The following UBE2K variants were observed in gnomAD, a reference collection of about 807,000 sequenced individuals.
UBE2K encodes ubiquitin conjugating enzyme E2 K.
In UBE2K, 6 loss-of-function variants were observed where a neutral mutation model predicts 30.0. The ratio of observed to expected loss-of-function variants is 0.20; its 90% confidence interval spans 0.11 to 0.39. The LOEUF is 0.39. Ranked by LOEUF, UBE2K falls within the 10% of genes least tolerant of loss-of-function variation. The pLI, the probability that UBE2K is intolerant of heterozygous loss-of-function variation, is 1.00. For missense variants in UBE2K, 61 were observed against 241.6 expected (o/e 0.25, Z 4.96); for synonymous variants, 86 against 83.7 (o/e 1.03, Z -0.15).
chr4:39,737,550 T>C (rs1720444585), intron 2 of UBE2K, 37 bp downstream of exon 2: 2 of 1,286,380 alleles, frequency 1.6e-6, no homozygotes, highest in Non-Finnish European at 2.2e-6. Flanking sequence ...ATTGTGCGTA[T>C]TAGAACTTGT....
intron 4 of UBE2K, among the ~76,000 whole-genome samples, chr4:39,758,009 T>C (rs1341871242): frequency 6.6e-6 from 1 of 152,204 alleles, no homozygotes; most frequent in Non-Finnish European, 1.5e-5. Flanking sequence ...TTCCCTGAAC[T>C]TGAGACTCCT....
chr4:39,756,193 G>T (rs1721508251), intron 4 of UBE2K, among the ~76,000 whole-genome samples: 1 of 152,202 alleles, frequency 6.6e-6, no homozygotes, highest in South Asian at 2.1e-4. Flanking sequence ...TCTTCATTTG[G>T]ATAGCGGTAT....
chr4:39,713,695 C>T (rs1718845900), intron 1 of UBE2K: 2 of 151,842 alleles, frequency 1.3e-5, no homozygotes. Flanking sequence ...AACTCTGTAC[C>T]CAATATTACT....
At chr4:39,735,460 A>G (rs1720326517) in intron 1 of UBE2K, among the ~76,000 whole-genome samples, 1 of 152,170 alleles carries the variant, frequency 6.6e-6, no homozygotes, top group South Asian at 2.1e-4. Context: ...GGCTCACTGC[A>G]AGCTCCGCCT....
At chr4:39,724,454 A>C (rs950792257) in intron 1 of UBE2K, among the ~76,000 whole-genome samples, 1 of 151,770 alleles carries the variant, frequency 6.6e-6, no homozygotes, top group Non-Finnish European at 1.5e-5. Context: ...TTTTATTGAA[A>C]GCTGGGCATG....
intron 1 of UBE2K, among the ~76,000 whole-genome samples, chr4:39,734,721 A>G (rs941179616): frequency 1.3e-5 from 2 of 152,184 alleles, no homozygotes; most frequent in East Asian, 1.9e-4. Context: ...CCGAGGTGGG[A>G]GAATCACCTG....
rs1039244156 is a variant in UBE2K, at chr4:39,781,728, G to C, written c.*3294G>C. 5.1e-6 allele frequency: 2 copies of C among 389,436 alleles called. No homozygotes were observed. Among genetic ancestry groups the C allele is most frequent in the Non-Finnish European group, 9.1e-6 (2 of 220,254 alleles). The allele number at this position is 389,436 out of a possible 1,614,324, so 24.1% of individuals were successfully genotyped here. ...GAAACAATGTTTAGATAGGAAAAAG[G>C]AAGCCGTCTGTTTACAGTTAACTTT... is the stretch of plus-strand genomic sequence containing the variant. On this transcript the variant is annotated 3_prime_UTR_variant, in exon 7 of 7. Transcript: ENST00000261427.
At chr4:39,770,696 G>C (rs1420049265) in intron 4 of UBE2K, 2 of 1,572,940 alleles carry the variant, frequency 1.3e-6, no homozygotes, top group African/African-American at 1.3e-5. Flanking sequence ...GGGGCACGCT[G>C]CTCTGGGCCA....
chr4:39,712,132 T>C (rs866070113), intron 1 of UBE2K, among the ~76,000 whole-genome samples: 14 of 141,566 alleles, frequency 9.9e-5, no homozygotes, highest in South Asian at 4.4e-4. Context: ...CCGCCCCCCC[T>C]TTTTTTTTTG....
At chr4:39,773,480 GAAAAGAA>G (rs902110188) in intron 4 of UBE2K, among the ~76,000 whole-genome samples, 16 of 151,122 alleles carry the variant, frequency 1.1e-4, no homozygotes, top group Middle Eastern at 3.4e-3. Flanking sequence ...GAAAATAAAA[GAAAAGAA>G]AAAAGAAAAT....
chr4:39,738,281 T>C lies in UBE2K; in HGVS notation c.157+768T>C, dbSNP rs536531297. On this transcript the variant is annotated intron_variant, in intron 2 of 6. Coordinates refer to ENST00000261427, the MANE Select transcript of UBE2K (RefSeq NM_005339.5). ...AATTATACAGTCTTTACATGTATTT[T>C]CTCATTTAATCCTTTCAGCAAATCT... is the stretch of plus-strand genomic sequence containing the variant. 1.4e-4 allele frequency among the ~76,000 whole-genome samples: 22 copies of C among 152,336 alleles called. No individual in the cohort carries two copies. In the South Asian group the frequency reaches 4.6e-3, roughly 32 times the overall value.
intron 4 of UBE2K, among the ~76,000 whole-genome samples, chr4:39,763,530 A>AT (rs1712110698): frequency 6.6e-6 from 1 of 151,850 alleles, no homozygotes; most frequent in African/African-American, 2.4e-5. Context: ...GATTACAGGC[A>AT]TGAGCCACCA....
chr4:39,705,140 G>A (rs1718271029), intron 1 of UBE2K, among the ~76,000 whole-genome samples: 1 of 146,144 alleles, frequency 6.8e-6, no homozygotes, highest in Non-Finnish European at 1.5e-5. Context: ...CTTGTGATCT[G>A]CCGCCTCGGC....
chr4:39,755,565 T>C, intron 3 of UBE2K, 92 bp from the exon 4 acceptor site: 1 of 1,002,304 alleles, frequency 1.0e-6, no homozygotes, highest in Non-Finnish European at 1.5e-6. Context: ...GGGACCTTTC[T>C]TTTTTTAGTT....
At chr4:39,775,151 A>G (rs950236066) in intron 5 of UBE2K, among the ~76,000 whole-genome samples, 2 of 152,232 alleles carry the variant, frequency 1.3e-5, no homozygotes, top group African/African-American at 4.8e-5. Flanking sequence ...TAACATGAGT[A>G]TTTTCAAACA....
At chr4:39,743,984 T>G (rs2109358260) in intron 2 of UBE2K, among the ~76,000 whole-genome samples, 1 of 152,274 alleles carries the variant, frequency 6.6e-6, no homozygotes, top group Middle Eastern at 3.4e-3. Context: ...TGCCTCAACC[T>G]CCTGAGTAGC....
intron 1 of UBE2K, among the ~76,000 whole-genome samples, chr4:39,727,561 ATGT>A (rs1719822454): frequency 6.7e-6 from 1 of 148,922 alleles, no homozygotes; most frequent in Non-Finnish European, 1.5e-5. Context: ...GGGTTTCACC[ATGT>A]TGTCTGGACT....
intron 2 of UBE2K, among the ~76,000 whole-genome samples, chr4:39,742,535 G>A (rs1720759427): frequency 6.6e-6 from 1 of 151,140 alleles, no homozygotes; most frequent in African/African-American, 2.4e-5. Context: ...TCAGGAGTTT[G>A]AGACCAGCTT....
chr4:39,763,846 C>T (rs1033230709), intron 4 of UBE2K, among the ~76,000 whole-genome samples: 12 of 152,190 alleles, frequency 7.9e-5, no homozygotes, highest in African/African-American at 2.6e-4. Context: ...CTCAATTGGT[C>T]TTCCCACCTC....
Sources: gnomAD v4.1 joint callset for allele counts (sites outside exome capture counted in the v4.1 genomes callset) on GRCh38, gnomAD v4.1.1 for gene constraint, MANE v1.5 for transcripts, NCBI Gene and HGNC (gene_info 2026-07-23, HGNC 2026-07-21) for gene names.